The following E4F1 variants were observed in gnomAD, a reference collection of about 807,000 sequenced individuals.
E4F1 encodes transcription factor E4F1.
E4F1 carries 30 observed loss-of-function variants against 72.9 expected under a neutral mutation model. The ratio of observed to expected loss-of-function variants is 0.41; its 90% CI spans 0.31 to 0.56. The LOEUF (loss-of-function observed/expected upper bound fraction) is 0.56. Ranked by LOEUF, E4F1 falls within the 20% of genes least tolerant of loss-of-function variation. E4F1 has a pLI of 0.25. For missense variants in E4F1, 1,091 were observed against 1,117.5 expected, an observed-to-expected ratio of 0.98 and a Z score of 0.34; for synonymous variants, 542 against 478.2, an observed-to-expected ratio of 1.13 and a Z score of -1.74.
In E4F1 at chr16:2,235,361, CCCCCGAGAGCCTG is replaced by C. The variant is rs1567306876; in HGVS notation, c.2145_2157del (p.Pro716GlnfsTer6). 6.2e-7 allele frequency: 1 copy of C among 1,609,744 alleles called. No homozygotes were observed. The highest frequency in any genetic ancestry group is 1.7e-5 in the Admixed American group (1 of 60,016). ...GCCGCCGACACCATCACCATCGCCA[CCCCCGAGAGCCTG>C]ACAGAGCAGGTGGCCATGACGCTGG... On this transcript the variant is annotated frameshift_variant, in exon 14 of 14. Coordinates refer to ENST00000301727, the MANE Select transcript of E4F1 (RefSeq NM_004424.5). LOFTEE classifies it high-confidence loss of function.
In E4F1 at chr16:2,234,183, T is replaced by A; in HGVS notation, c.1388T>A (p.Phe463Tyr). The A allele has an allele frequency of 1.2e-6, 2 of 1,611,958 alleles. No homozygotes were observed. Residue 463 changes from phenylalanine to tyrosine, a missense_variant, in exon 10 of 14, where the codon TTC becomes TAC. Around this residue, in one of 5 missense-constraint regions of E4F1, gnomAD observed 622 missense variants for 628.0 expected, o/e 0.99. Coordinates refer to ENST00000301727, the MANE Select transcript of E4F1 (RefSeq NM_004424.5). The part of the protein sequence containing the change: ...HKRGHTGPRP[F>Y]ACAQCGKAFP... ...TGTGTGGCTGCAGGGCCGAGGCCGT[T>A]CGCCTGCGCGCAGTGTGGCAAGGCC...
intron 1 of E4F1, among the ~76,000 whole-genome samples, chr16:2,228,088 C>A (rs934542338): frequency 3.3e-5 from 5 of 152,222 alleles, no homozygotes; most frequent in Admixed American, 6.5e-5. Context: ...GCATGGCAGC[C>A]TTAGCAGGTC....
chr16:2,234,684 C>G lies in E4F1; in HGVS notation c.1695C>G (p.His565Gln). The G allele has an allele frequency of 6.3e-7, 1 of 1,579,518 alleles. No individual in the cohort carries two copies. The highest frequency in any genetic ancestry group is 8.6e-7 in the Non-Finnish European group (1 of 1,162,436). ...GFREKGSLVR[H>Q]VRHHTGEKPF... ...GAGAGAAGGGCTCACTGGTGCGGCA[C>G]GTGCGACACCACACAGGCGAGAAGC... The change falls in exon 11 of 14, where the codon CAC becomes CAG. Residue 565 changes from histidine (H) to glutamine (Q), a missense_variant. This residue lies in a region of E4F1 where 622 missense variants were observed against 628.0 expected (regional missense o/e 0.99). Transcript: ENST00000301727.
At position 2,230,273 on chromosome 16, in the gene E4F1, C is replaced by T. The variant is rs536925571; in HGVS notation, c.415+598C>T. The T allele has an allele frequency of 3.9e-4, 60 of 155,226 alleles. 1 individual carries two copies. The highest frequency in any genetic ancestry group is 3.8e-3 in the Admixed American group (60 of 15,806). 9.6% of individuals were successfully genotyped at this position (155,226 alleles called of 1,614,324 possible). On this transcript the variant is annotated intron_variant, in intron 3 of 13. Coordinates refer to ENST00000301727, the MANE Select transcript of E4F1 (RefSeq NM_004424.5). ...CTTTTTAAGTGAAGATGTCTCTCTC[C>T]CTGATGTGCTGTGGGAGGGGCTGTT...
chr16:2,234,871 T>G lies in E4F1; in HGVS notation c.1805T>G (p.Leu602Arg). The change falls in exon 12 of 14, where the codon CTG (leucine) becomes CGG (arginine). Residue 602 changes from leucine (L) to arginine (R), a missense_variant. Physicochemically the swap from Leu to Arg is moderately radical, Grantham distance 102. Transcript: ENST00000301727. The part of the protein sequence containing the change: ...RHLRTKGGCL[L>R]EVEELLVSED... ...TCCCCACCCACAGGGGGCTGCCTGC[T>G]GGAGGTGGAGGAGTTGCTGGTGTCT... 1 of 1,550,170 alleles carries G rather than the reference T, an allele frequency of 6.5e-7. No individual in the cohort carries two copies. Among genetic ancestry groups the G allele is most frequent in the South Asian group, 1.2e-5 (1 of 84,078 alleles).
chr16:2,226,397 G>A (rs113465416), intron 1 of E4F1, among the ~76,000 whole-genome samples: 1,933 of 152,308 alleles, frequency 0.013, 22 homozygotes, highest in South Asian at 0.023. Context: ...GGGTGGGAAG[G>A]GGAAGAGGGT....
rs539057194 is a variant in E4F1, at chr16:2,234,156, T to C, written c.1376-15T>C. Reference sequence around the variant, plus strand: ...GCGGGTGATGGGCTTGGCCTGATGCTGTGTGTGGCTGCAGGGCCGAGGCCG... The same window carrying C: ...GCGGGTGATGGGCTTGGCCTGATGCCGTGTGTGGCTGCAGGGCCGAGGCCG... On this transcript the variant is annotated splice_polypyrimidine_tract_variant and intron_variant, in intron 9 of 13. Transcript: ENST00000301727. 1.5e-5 allele frequency: 24 copies of C among 1,610,056 alleles called. No individual in the cohort carries two copies. The East Asian group carries it at 4.0e-4, about 27-fold the overall frequency.
In E4F1 at chr16:2,232,856, C is replaced by A. The variant is rs2093476733; in HGVS notation, c.831C>A (p.Ile277=). Residue 277 remains isoleucine (I), a synonymous_variant, in exon 6 of 14, where the codon ATC becomes ATA. Transcript: ENST00000301727. ...CTCTCACCCCCTGCACAGAGAAAAT[C>A]CGCTTCAGTGTGAGCAAGGACGTGG... ...LKSLTPCTEK[I]RFSVSKDVVV... is the part of the protein sequence containing the mutation. 6.2e-6 allele frequency: 10 copies of A among 1,613,478 alleles called. No individual in the cohort carries two copies. Among genetic ancestry groups the A allele is most frequent in the African/African-American group, 1.3e-5 (1 of 75,058 alleles).
At position 2,234,000 on chromosome 16, in the gene E4F1, G is replaced by A; in HGVS notation, c.1375+10G>A. ...AAGAGGGGCCACACCGGTAGGTGAT[G>A]GGTGGGTGTGTGGCCCATGGCAGTG... On this transcript the variant is annotated intron_variant, in intron 9 of 13. Transcript: ENST00000301727. 6.3e-7 allele frequency: 1 copy of A among 1,577,464 alleles called. No individual in the cohort carries two copies. The highest frequency in any genetic ancestry group is 1.8e-5 in the Admixed American group (1 of 54,670).
chr16:2,235,180 T>G, intron 13 of E4F1, 36 bp from the exon 14 acceptor site: 1 of 1,610,406 alleles, frequency 6.2e-7, no homozygotes, highest in Non-Finnish European at 8.5e-7. Flanking sequence ...GGAGGCTCCC[T>G]GGCACAGCCG....
intron 3 of E4F1, 88 bp from the exon 4 acceptor site, chr16:2,232,080 GAGC>G: frequency 1.3e-6 from 2 of 1,530,440 alleles, no homozygotes; most frequent in Non-Finnish European, 1.8e-6. Context: ...GTGTGGCTCA[GAGC>G]AGCAGGTCCC....
intron 1 of E4F1, among the ~76,000 whole-genome samples, chr16:2,224,979 A>G (rs958334265): frequency 6.6e-6 from 1 of 151,094 alleles, no homozygotes; most frequent in Non-Finnish European, 1.5e-5. Context: ...TTGGGAGGCC[A>G]AGGTGGGTGG....
Position 2,233,984 on chromosome 16 carries a change from C to A in E4F1, c.1369C>A (p.His457Asn). 6.3e-7 allele frequency: 1 copy of A among 1,590,934 alleles called. No homozygotes were observed. The highest frequency in any genetic ancestry group is 8.6e-7 in the Non-Finnish European group (1 of 1,168,842). Residue 457 changes from histidine (H) to asparagine (N), a missense_variant, in exon 9 of 14, where the codon CAC becomes AAC. His to Asn is a moderately conservative substitution (Grantham distance 68). This residue lies in a region of E4F1 where 622 missense variants were observed against 628.0 expected (regional missense o/e 0.99). Coordinates refer to ENST00000301727, the MANE Select transcript of E4F1 (RefSeq NM_004424.5). Reference sequence around the variant, plus strand: ...CACCCTGGAGGCCCACAAGAGGGGCCACACCGGTAGGTGATGGGTGGGTGT... The same window carrying A: ...CACCCTGGAGGCCCACAAGAGGGGCAACACCGGTAGGTGATGGGTGGGTGT... ...AATLEAHKRGHTGPRPFACAQ... is the reference protein window; with the variant it reads ...AATLEAHKRGNTGPRPFACAQ...
intron 1 of E4F1, among the ~76,000 whole-genome samples, chr16:2,225,204 CTG>C (rs1174710787): frequency 6.6e-6 from 1 of 152,064 alleles, no homozygotes; most frequent in African/African-American, 2.4e-5. Flanking sequence ...CAGAGCAAGA[CTG>C]TCTCAAAAAA....
intron 1 of E4F1, among the ~76,000 whole-genome samples, chr16:2,224,976 G>A (rs1163983135): frequency 6.6e-6 from 1 of 151,938 alleles, no homozygotes; most frequent in African/African-American, 2.4e-5. Flanking sequence ...ACTTTGGGAG[G>A]CCAAGGTGGG....
Position 2,223,770 on chromosome 16 carries a change from G to C in E4F1, c.157G>C (p.Asp53His). The change falls in exon 1 of 14, where the codon GAT (aspartate) becomes CAT (histidine). Residue 53 changes from aspartate (D) to histidine (H), a missense_variant and splice_region_variant. By Grantham distance (81) the Asp-to-His change is moderately conservative. This residue lies in a region of E4F1 where 362 missense variants were observed against 358.6 expected (regional missense o/e 1.01). Coordinates refer to ENST00000301727, the MANE Select transcript of E4F1 (RefSeq NM_004424.5). ...CCTCCCGGCGCCCTTCAGCGAGGAA[G>C]GTAACCGGGCCGACCCGGAGGGTGC... ...LGLPAPFSEE[D>H]EDDVHRCGRC... 6.5e-7 allele frequency: 1 copy of C among 1,536,534 alleles called. No homozygotes were observed. Among genetic ancestry groups the C allele is most frequent in the Non-Finnish European group, 8.7e-7 (1 of 1,152,054 alleles).
In E4F1 at chr16:2,235,499, T is replaced by C; in HGVS notation, c.2282T>C (p.Ile761Thr). 1 of 1,610,154 alleles carries C rather than the reference T, an allele frequency of 6.2e-7. No individual in the cohort carries two copies. The highest frequency in any genetic ancestry group is 8.5e-7 in the Non-Finnish European group (1 of 1,178,002). Residue 761 changes from isoleucine (I) to threonine (T), a missense_variant, in exon 14 of 14, where the codon ATC (isoleucine) becomes ACC (threonine). Around this residue, in one of 5 missense-constraint regions of E4F1, gnomAD observed 622 missense variants for 628.0 expected, o/e 0.99. Transcript: ENST00000301727. ...ATGGTGTCATCAGAGGACATCGAGATCCTGGAGCATGCAGGCGAGCTGGTC... is the reference window on the plus strand; with the variant it reads ...ATGGTGTCATCAGAGGACATCGAGACCCTGGAGCATGCAGGCGAGCTGGTC... ...VTMVSSEDIEILEHAGELVIA... is the reference protein window; with the variant it reads ...VTMVSSEDIETLEHAGELVIA...
At chr16:2,227,075 C>T (rs938943980) in intron 1 of E4F1, among the ~76,000 whole-genome samples, 3 of 152,198 alleles carry the variant, frequency 2.0e-5, no homozygotes, top group Non-Finnish European at 4.4e-5. Flanking sequence ...GGGTCTTGCC[C>T]TGTTGCCCTG....
At position 2,223,647 on chromosome 16, in the gene E4F1, G is replaced by T; in HGVS notation, c.34G>T (p.Ala12Ser). Reference sequence around the variant, plus strand: ...CGCGATGGCAGTGCGGGTGACGGCCGCTCATACGGCAGAAGCCCAGGCCGA... The same window carrying T: ...CGCGATGGCAGTGCGGGTGACGGCCTCTCATACGGCAGAAGCCCAGGCCGA... ...EGAMAVRVTA[A>S]HTAEAQAEAG... The change falls in exon 1 of 14, where the codon GCT becomes TCT. Residue 12 changes from alanine (A) to serine (S), a missense_variant. Around this residue, in one of 5 missense-constraint regions of E4F1, gnomAD observed 362 missense variants for 358.6 expected, o/e 1.01. Transcript: ENST00000301727. The T allele has an allele frequency of 6.3e-7, 1 of 1,589,520 alleles. No homozygotes were observed. The highest frequency in any genetic ancestry group is 8.5e-7 in the Non-Finnish European group (1 of 1,173,782).
Sources: allele counts gnomAD v4.1 joint callset (sites outside exome capture counted in the v4.1 genomes callset), GRCh38; gene constraint gnomAD v4.1.1; regional missense constraint gnomAD v4.1.1; transcripts MANE v1.5; gene names NCBI Gene and HGNC (gene_info 2026-07-23, HGNC 2026-07-21).